The following MYRIP variants were observed in gnomAD, a reference collection of about 807,000 sequenced individuals.
The protein encoded by MYRIP is rab effector MyRIP.
Under a neutral mutation model 98.0 loss-of-function variants are expected in MYRIP, and 49 were observed. The observed-to-expected ratio is 0.50, with a 90% CI of 0.40 to 0.63. The LOEUF is 0.63. MYRIP is among the 30% of genes least tolerant of loss of function. MYRIP has a pLI of 0.00. For synonymous variants in MYRIP, 404 were observed against 409.5 expected, an observed-to-expected ratio of 0.99 and a Z score of 0.16; for missense variants, 1,004 against 1,058.2, an observed-to-expected ratio of 0.95 and a Z score of 0.71.
intron 2 of MYRIP, among the ~76,000 whole-genome samples, chr3:39,924,010 C>T (rs2125693500): frequency 6.6e-6 from 1 of 152,096 alleles, no homozygotes; most frequent in South Asian, 2.1e-4. Context: ...AAACACTCTA[C>T]ATAAATCACA....
chr3:40,010,534 A>G (rs1194808337), intron 2 of MYRIP, among the ~76,000 whole-genome samples: 2 of 152,242 alleles, frequency 1.3e-5, no homozygotes, highest in East Asian at 1.9e-4. Flanking sequence ...AGGACAGCCC[A>G]TCATGAACCA....
At chr3:40,158,988 G>A (rs1427232422) in intron 4 of MYRIP, among the ~76,000 whole-genome samples, 20 of 151,584 alleles carry the variant, frequency 1.3e-4, no homozygotes, top group South Asian at 4.2e-4. Context: ...CATTTAGTCC[G>A]TTTACATTTA....
intron 3 of MYRIP, among the ~76,000 whole-genome samples, chr3:40,071,422 C>T (rs1007575626): frequency 6.6e-6 from 1 of 152,078 alleles, no homozygotes; most frequent in Non-Finnish European, 1.5e-5. Context: ...GGAGTTTGAC[C>T]ATAGAGAATG....
At chr3:40,039,951 T>C (rs1444321182) in intron 2 of MYRIP, among the ~76,000 whole-genome samples, 2 of 152,098 alleles carry the variant, frequency 1.3e-5, no homozygotes, top group African/African-American at 4.8e-5. Flanking sequence ...AACCTTGGTG[T>C]TACTTGGATT....
intron 10 of MYRIP, among the ~76,000 whole-genome samples, chr3:40,204,186 A>AC (rs1951723513): frequency 1.8e-5 from 1 of 56,914 alleles, no homozygotes; most frequent in East Asian, 4.8e-4. Flanking sequence ...ATTATATAAT[A>AC]TATAAATATT....
intron 2 of MYRIP, among the ~76,000 whole-genome samples, chr3:39,901,695 A>C (rs1286024978): frequency 6.6e-6 from 1 of 152,214 alleles, no homozygotes; most frequent in African/African-American, 2.4e-5. Context: ...TTCCTTAGAC[A>C]CTAAGCAAAA....
intron 1 of MYRIP, among the ~76,000 whole-genome samples, chr3:39,853,250 CT>C (rs1478722036): frequency 2.6e-5 from 4 of 152,086 alleles, no homozygotes; most frequent in African/African-American, 7.2e-5. Context: ...ATAATGACTT[CT>C]TTTCCTCTGG....
At chr3:39,980,783 C>G (rs1353797895) in intron 2 of MYRIP, among the ~76,000 whole-genome samples, 2 of 152,142 alleles carry the variant, frequency 1.3e-5, no homozygotes, top group African/African-American at 4.8e-5. Flanking sequence ...GAGGTACCTA[C>G]TTTTATTTTC....
At chr3:40,000,412 G>T (rs559279223) in intron 2 of MYRIP, among the ~76,000 whole-genome samples, 7 of 152,102 alleles carry the variant, frequency 4.6e-5, no homozygotes, top group Admixed American at 6.6e-5. Flanking sequence ...ACTCTCCCCA[G>T]GAAAGGTTCC....
intron 3 of MYRIP, among the ~76,000 whole-genome samples, chr3:40,070,091 A>G (rs1948194791): frequency 6.6e-6 from 1 of 152,224 alleles, no homozygotes; most frequent in Non-Finnish European, 1.5e-5. Context: ...ACACAATTTC[A>G]GACATTGGAC....
At chr3:40,230,390 T>G (rs747297677) in intron 11 of MYRIP, among the ~76,000 whole-genome samples, 11 of 152,234 alleles carry the variant, frequency 7.2e-5, no homozygotes, top group Non-Finnish European at 1.5e-4. Flanking sequence ...GTTTTTCATC[T>G]GATCAAACCC....
chr3:40,101,292 T>G (rs534894456), intron 3 of MYRIP, among the ~76,000 whole-genome samples: 12 of 152,314 alleles, frequency 7.9e-5, no homozygotes, highest in Non-Finnish European at 1.5e-4. Context: ...GTGTTGCTGT[T>G]GAGTCATTCT....
At chr3:39,972,999 G>T (rs550802360) in intron 2 of MYRIP, among the ~76,000 whole-genome samples, 4 of 152,054 alleles carry the variant, frequency 2.6e-5, no homozygotes, top group Non-Finnish European at 5.9e-5. Context: ...AATAAATAGA[G>T]AATGTATATA....
chr3:40,110,853 CT>C (rs1471681856), intron 3 of MYRIP, among the ~76,000 whole-genome samples: 2 of 150,750 alleles, frequency 1.3e-5, no homozygotes, highest in African/African-American at 4.9e-5. Context: ...CCACAAATGT[CT>C]TTATGCTACT....
At chr3:39,895,807 G>A (rs1402535945) in intron 1 of MYRIP, among the ~76,000 whole-genome samples, 1 of 152,154 alleles carries the variant, frequency 6.6e-6, no homozygotes, top group African/African-American at 2.4e-5. Flanking sequence ...GAGATGATTT[G>A]CAATACTAGG....
intron 3 of MYRIP, among the ~76,000 whole-genome samples, chr3:40,094,923 C>T (rs777868792): frequency 7.9e-5 from 12 of 152,114 alleles, no homozygotes; most frequent in Non-Finnish European, 1.6e-4. Context: ...TGTGTCTCAG[C>T]CACTCAGCCT....
At chr3:39,896,807 T>C (rs1016080428) in intron 1 of MYRIP, among the ~76,000 whole-genome samples, 4 of 152,222 alleles carry the variant, frequency 2.6e-5, no homozygotes, top group African/African-American at 9.6e-5. Flanking sequence ...CATTGACCTT[T>C]TATAATGAAT....
chr3:39,875,515 C>T lies in MYRIP; in HGVS notation c.-30-25272C>T, dbSNP rs573497922. ...TTCCCTCTACATCCTGCTTTGAATG[C>T]GTCCCAGAGATTCTGGTATGTTGTG... On this transcript the variant is annotated intron_variant, in intron 1 of 16. Transcript: ENST00000302541. 2.4e-3 allele frequency among the ~76,000 whole-genome samples: 359 copies of T among 151,914 alleles called. 1 individual carries two copies. The highest frequency in any genetic ancestry group is 9.8e-3 in the South Asian group (47 of 4,792).
intron 1 of MYRIP, among the ~76,000 whole-genome samples, chr3:39,879,586 A>T (rs1363975566): frequency 6.6e-6 from 1 of 152,178 alleles, no homozygotes. Context: ...TTTTGTCGTT[A>T]GACTTATGGT....
Sources: allele counts gnomAD v4.1 joint callset (sites outside exome capture counted in the v4.1 genomes callset), GRCh38; gene constraint gnomAD v4.1.1; transcripts MANE v1.5; gene names NCBI Gene and HGNC (gene_info 2026-07-23, HGNC 2026-07-21).